The following PDLIM5 variants were observed in gnomAD, a reference collection of about 807,000 sequenced individuals.
The protein encoded by PDLIM5 is PDZ and LIM domain 5.
PDLIM5 carries 34 observed loss-of-function variants against 64.2 expected under a neutral mutation model. The observed-to-expected ratio is 0.53, with a 90% confidence interval of 0.40 to 0.71. The LOEUF (loss-of-function observed/expected upper bound fraction) is 0.71, where lower values mean the gene tolerates loss of function less well. Among genes scored for constraint, PDLIM5 ranks in the 30% least tolerant of loss-of-function variants. The pLI is 0.00. For missense variants in PDLIM5, 683 were observed against 733.6 expected (o/e 0.93, Z 0.80); for synonymous variants, 253 against 269.1 (o/e 0.94, Z 0.59).
At chr4:94,523,360 C>A (rs1268348328) in intron 2 of PDLIM5, among the ~76,000 whole-genome samples, 1 of 152,176 alleles carries the variant, frequency 6.6e-6, no homozygotes, top group African/African-American at 2.4e-5. Flanking sequence ...ATAAAAACCC[C>A]ATTCAGATTG....
At chr4:94,632,266 A>G (rs1252525810) in intron 8 of PDLIM5, among the ~76,000 whole-genome samples, 1 of 152,238 alleles carries the variant, frequency 6.6e-6, no homozygotes, top group Non-Finnish European at 1.5e-5. Flanking sequence ...TTCAAAAAAC[A>G]TTTGCCTCAT....
chr4:94,576,130 C>G, intron 5 of PDLIM5, 96 bp downstream of exon 5: 1 of 1,019,926 alleles, frequency 9.8e-7, no homozygotes, highest in Non-Finnish European at 1.5e-6. Context: ...AACCAACTTT[C>G]TTTGAAGGAA....
At chr4:94,527,726 A>G (rs1472935961) in intron 3 of PDLIM5, among the ~76,000 whole-genome samples, 1 of 152,248 alleles carries the variant, frequency 6.6e-6, no homozygotes, top group Non-Finnish European at 1.5e-5. Flanking sequence ...AAATTGCACT[A>G]CAGAGTGAGT....
intron 3 of PDLIM5, among the ~76,000 whole-genome samples, chr4:94,537,779 G>A (rs892308082): frequency 1.3e-5 from 2 of 152,170 alleles, no homozygotes; most frequent in African/African-American, 4.8e-5. Context: ...GTACTTCAGA[G>A]TCACACAACT....
intron 8 of PDLIM5, among the ~76,000 whole-genome samples, chr4:94,636,330 C>A (rs1182490249): frequency 6.6e-6 from 1 of 151,550 alleles, no homozygotes; most frequent in Non-Finnish European, 1.5e-5. Flanking sequence ...TTCAGATTTT[C>A]CAATTGGTTA....
At chr4:94,452,924 T>A (rs1185656245) in intron 1 of PDLIM5, among the ~76,000 whole-genome samples, 1 of 152,218 alleles carries the variant, frequency 6.6e-6, no homozygotes, top group Non-Finnish European at 1.5e-5. Flanking sequence ...TGGCTTTAGT[T>A]CTTCAGCTCT....
At chr4:94,640,664 A>T (rs958954538) in intron 9 of PDLIM5, among the ~76,000 whole-genome samples, 1 of 152,180 alleles carries the variant, frequency 6.6e-6, no homozygotes, top group Non-Finnish European at 1.5e-5. Flanking sequence ...TAAAAGTACT[A>T]ATTGCGTTCG....
chr4:94,497,987 TA>T (rs1373464945), intron 2 of PDLIM5, among the ~76,000 whole-genome samples: 2 of 119,340 alleles, frequency 1.7e-5, no homozygotes, highest in African/African-American at 2.5e-5. Context: ...ACTACACTGT[TA>T]CAGTTGTTGT....
chr4:94,585,870 G>GCA, intron 6 of PDLIM5, 133 bp downstream of exon 6: 2 of 647,816 alleles, frequency 3.1e-6, no homozygotes, highest in Non-Finnish European at 5.3e-6. Flanking sequence ...CATAACATGG[G>GCA]TAATATAAAT....
At chr4:94,632,907 A>G (rs1311986026) in intron 8 of PDLIM5, among the ~76,000 whole-genome samples, 2 of 152,176 alleles carry the variant, frequency 1.3e-5, no homozygotes, top group Non-Finnish European at 2.9e-5. Flanking sequence ...ACCCAGTAAT[A>G]TCTGTGTAGG....
intron 12 of PDLIM5, among the ~76,000 whole-genome samples, chr4:94,663,453 C>A (rs1742895458): frequency 6.6e-6 from 1 of 152,098 alleles, no homozygotes; most frequent in Non-Finnish European, 1.5e-5. Flanking sequence ...TCCTCAGCAG[C>A]CAGATACTGA....
chr4:94,497,067 A>G (rs780807789), intron 2 of PDLIM5, among the ~76,000 whole-genome samples: 7 of 152,190 alleles, frequency 4.6e-5, no homozygotes, highest in East Asian at 1.9e-4. Flanking sequence ...GCTTACACCA[A>G]ATGGGTGAAT....
chr4:94,472,018 A>G (rs1724918204), intron 2 of PDLIM5, among the ~76,000 whole-genome samples: 1 of 152,150 alleles, frequency 6.6e-6, no homozygotes, highest in South Asian at 2.1e-4. Context: ...GAGTTGAAAC[A>G]GTTTTGAAAC....
chr4:94,497,663 T>G (rs1242310882), intron 2 of PDLIM5, among the ~76,000 whole-genome samples: 2 of 152,210 alleles, frequency 1.3e-5, no homozygotes, highest in African/African-American at 2.4e-5. Context: ...TCAGTGCATG[T>G]CATCAAAAAG....
At chr4:94,616,337 C>T (rs539049298) in intron 7 of PDLIM5, among the ~76,000 whole-genome samples, 1 of 151,984 alleles carries the variant, frequency 6.6e-6, no homozygotes, top group Admixed American at 6.6e-5. Context: ...TGTAATTATC[C>T]TTTTAATATG....
At chr4:94,497,387 G>A (rs1727493208) in intron 2 of PDLIM5, among the ~76,000 whole-genome samples, 1 of 152,070 alleles carries the variant, frequency 6.6e-6, no homozygotes, top group Admixed American at 6.6e-5. Flanking sequence ...ATTTAAAGAG[G>A]TGAAAATAAT....
chr4:94,587,300 A>T, intron 7 of PDLIM5: 1 of 1,278,620 alleles, frequency 7.8e-7, no homozygotes, highest in Non-Finnish European at 1.0e-6. Flanking sequence ...AAAAAAAAAT[A>T]GAAAATTAAG....
Position 94,640,363 on chromosome 4 carries a change from G to T in PDLIM5, c.1196G>T (p.Ser399Ile). The T allele has an allele frequency of 6.2e-7, 1 of 1,613,480 alleles. No homozygotes were observed. Residue 399 changes from serine to isoleucine, a missense_variant, in exon 9 of 13, where the codon AGT becomes ATT. Coordinates refer to ENST00000317968, the MANE Select transcript of PDLIM5 (RefSeq NM_006457.5). Reference sequence around the variant, plus strand: ...TCAGCTTTGGGACAAACCCAGCCAAGTGACCAGGACACTTTAGTGCAAAGA... The same window carrying T: ...TCAGCTTTGGGACAAACCCAGCCAATTGACCAGGACACTTTAGTGCAAAGA... ...ANSALGQTQPSDQDTLVQRAE... is the reference protein window; with the variant it reads ...ANSALGQTQPIDQDTLVQRAE...
chr4:94,541,111 C>T (rs998017517), intron 3 of PDLIM5, among the ~76,000 whole-genome samples: 1 of 152,280 alleles, frequency 6.6e-6, no homozygotes, highest in South Asian at 2.1e-4. Flanking sequence ...CCTGGTTTCT[C>T]TAAGAAGGTC....
Sources: gnomAD v4.1 joint callset for allele counts (sites outside exome capture counted in the v4.1 genomes callset) on GRCh38, gnomAD v4.1.1 for gene constraint, MANE v1.5 for transcripts, NCBI Gene and HGNC (gene_info 2026-07-23, HGNC 2026-07-21) for gene names.